The following SLC26A3 variants were observed in gnomAD, a reference collection of about 807,000 sequenced individuals.
The protein encoded by SLC26A3 is chloride anion exchanger.
In SLC26A3, 64 loss-of-function variants were observed where a neutral mutation model predicts 85.6. The ratio of observed to expected loss-of-function variants is 0.75; its 90% confidence interval spans 0.61 to 0.92. SLC26A3 has a LOEUF of 0.92. Ranked by LOEUF, SLC26A3 falls within the 40% of genes least tolerant of loss-of-function variation. SLC26A3 has a pLI of 0.00. For synonymous variants in SLC26A3, 349 were observed against 336.0 expected (o/e 1.04, Z -0.42); for missense variants, 922 against 927.3 (o/e 0.99, Z 0.07).
chr7:107,795,779 G>C (rs1478105436), intron 1 of SLC26A3, among the ~76,000 whole-genome samples: 10 of 151,672 alleles, frequency 6.6e-5, no homozygotes, highest in African/African-American at 2.4e-4. Context: ...CCCAAGTTTT[G>C]TTCCTCAGCT....
rs758202770 is a variant in SLC26A3, at chr7:107,793,856, T to A, written c.157A>T (p.Ile53Phe). 1.2e-6 allele frequency: 2 copies of A among 1,613,870 alleles called. No homozygotes were observed. The highest frequency in any genetic ancestry group is 1.7e-6 in the Non-Finnish European group (2 of 1,179,820). ...CSCSPQKAKRIVLSLFPIASW... is the reference protein window; with the variant it reads ...CSCSPQKAKRFVLSLFPIASW... ...GCTATGGGGAACAAAGAGAGGACAA[T>A]TCTCTTGGCCTTTTGTGGGGAACAG... Residue 53 changes from isoleucine (I) to phenylalanine (F), a missense_variant, in exon 3 of 21, where the codon ATT becomes TTT. Coordinates refer to ENST00000340010, the MANE Select transcript of SLC26A3 (RefSeq NM_000111.3).
intron 3 of SLC26A3, among the ~76,000 whole-genome samples, chr7:107,793,253 T>C (rs535210488): frequency 2.6e-5 from 4 of 152,250 alleles, no homozygotes; most frequent in South Asian, 2.1e-4. Flanking sequence ...CCCAAGAAAA[T>C]TGAAGCATGC....
In SLC26A3 at chr7:107,774,822, C is replaced by A; in HGVS notation, c.1728G>T (p.Arg576Ser). Residue 576 changes from arginine (R) to serine (S), a missense_variant, in exon 16 of 21, where the codon AGG becomes AGT. Transcript: ENST00000340010. ...CTTGCTTCTGCAGTTTTCGGATTTT[C>A]CTCAAAGCTTTGTTGCGCTTGCGTA... is the stretch of plus-strand genomic sequence containing the variant. ...RILRKRNKALRKIRKLQKQGL... is the reference protein window; with the variant it reads ...RILRKRNKALSKIRKLQKQGL... 1 of 1,614,150 alleles carries A rather than the reference C, an allele frequency of 6.2e-7. No homozygotes were observed. The highest frequency in any genetic ancestry group is 1.6e-4 in the Middle Eastern group (1 of 6,062).
chr7:107,802,680 C>T (rs1283921688), intron 1 of SLC26A3, among the ~76,000 whole-genome samples: 5 of 150,248 alleles, frequency 3.3e-5, no homozygotes, highest in African/African-American at 9.8e-5. Flanking sequence ...ACCAGATGGC[C>T]TTTCTGAATC....
At chr7:107,768,236 A>G (rs1018408474) in intron 18 of SLC26A3, among the ~76,000 whole-genome samples, 1 of 152,248 alleles carries the variant, frequency 6.6e-6, no homozygotes, top group Non-Finnish European at 1.5e-5. Flanking sequence ...TGATTAGAGT[A>G]TCAAGTGTGG....
intron 11 of SLC26A3, among the ~76,000 whole-genome samples, 157 bp from the exon 12 acceptor site, chr7:107,779,920 C>G (rs1007570975): frequency 6.6e-6 from 1 of 152,100 alleles, no homozygotes; most frequent in African/African-American, 2.4e-5. Context: ...GCAAGACACA[C>G]CAGAACTGGG....
At chr7:107,791,297 C>T (rs1365483883) in intron 4 of SLC26A3, 62 bp from the exon 5 acceptor site, 1 of 1,510,506 alleles carries the variant, frequency 6.6e-7, no homozygotes, top group Non-Finnish European at 9.2e-7. Flanking sequence ...TGTCTTTCAA[C>T]CACAGAATAA....
chr7:107,789,632 G>A lies in SLC26A3; in HGVS notation c.627C>T (p.Leu209=). Residue 209 remains leucine (L), a synonymous_variant, in exon 6 of 21, where the codon CTC becomes CTT. Coordinates refer to ENST00000340010, the MANE Select transcript of SLC26A3 (RefSeq NM_000111.3). ...GFVVIYLSES[L]ISGFTTAAAV... Reference sequence around the variant, plus strand: ...CAGCAGCAGTAGTGAAGCCACTGATGAGGGACTCAGACAGGTATATCACTA... The same window carrying A: ...CAGCAGCAGTAGTGAAGCCACTGATAAGGGACTCAGACAGGTATATCACTA... The A allele has an allele frequency of 6.2e-7, 1 of 1,614,060 alleles. No individual in the cohort carries two copies. Among genetic ancestry groups the A allele is most frequent in the South Asian group, 1.1e-5 (1 of 91,060 alleles).
chr7:107,793,848 G>T lies in SLC26A3; in HGVS notation c.165C>A (p.Leu55=), dbSNP rs557332354. ...CSPQKAKRIV[L]SLFPIASWLP... ...ACCAAGATGCTATGGGGAACAAAGA[G>T]AGGACAATTCTCTTGGCCTTTTGTG... is the stretch of plus-strand genomic sequence containing the variant. Residue 55 remains leucine (L), a synonymous_variant, in exon 3 of 21, where the codon CTC becomes CTA. Transcript: ENST00000340010. The T allele has an allele frequency of 1.2e-5, 20 of 1,614,082 alleles. No homozygotes were observed. The South Asian group carries it at 1.9e-4, about 15-fold the overall frequency.
chr7:107,793,690 A>C, intron 3 of SLC26A3, 52 bp downstream of exon 3: 1 of 1,391,010 alleles, frequency 7.2e-7, no homozygotes, highest in Non-Finnish European at 1.0e-6. Flanking sequence ...AGCTGTACAC[A>C]TTCAGAGGAA....
chr7:107,792,741 C>G lies in SLC26A3; in HGVS notation c.272-801G>C, dbSNP rs7789763. Among the ~76,000 whole-genome samples the G allele has an allele frequency of 9.6e-3, 1,466 of 152,210 alleles. 20 individuals carry two copies. The highest frequency in any genetic ancestry group is 0.033 in the African/African-American group (1,353 of 41,514). On this transcript the variant is annotated intron_variant, in intron 3 of 20. Coordinates refer to ENST00000340010, the MANE Select transcript of SLC26A3 (RefSeq NM_000111.3). ...GCACCCAATGAAAAATACAGATAGA[C>G]TGGACTTAATCACAATTTAAAAACG...
chr7:107,792,032 TAA>T (rs1794412279), intron 3 of SLC26A3, 92 bp from the exon 4 acceptor site: 2 of 763,520 alleles, frequency 2.6e-6, no homozygotes, highest in East Asian at 5.1e-5. Flanking sequence ...AATTGGATCC[TAA>T]AAATAAGTTA....
intron 18 of SLC26A3, among the ~76,000 whole-genome samples, chr7:107,771,258 C>G (rs953200357): frequency 6.6e-6 from 1 of 152,120 alleles, no homozygotes; most frequent in African/African-American, 2.4e-5. Context: ...GAATCATATA[C>G]GTAGTTCTAA....
At chr7:107,788,774 TTTTTCTTTTC>T in intron 6 of SLC26A3, among the ~76,000 whole-genome samples, 1 of 140,036 alleles carries the variant, frequency 7.1e-6, no homozygotes, top group African/African-American at 2.7e-5. Flanking sequence ...TTCTTTTTCT[TTTTTCTTTTC>T]TTTTTTTTTT....
intron 20 of SLC26A3, among the ~76,000 whole-genome samples, chr7:107,766,821 T>G (rs769647133): frequency 6.6e-5 from 10 of 152,066 alleles, no homozygotes; most frequent in Non-Finnish European, 1.3e-4. Flanking sequence ...TGCAGTCCTG[T>G]TGGGGTCACT....
rs548805893 is a variant in SLC26A3 at position 107,772,347 on chromosome 7, GAAGT to G, written c.2008-243_2008-240del. Reference sequence around the variant, plus strand: ...AAGTTAAAAATGATCATTCTTGAAGGAAGTATTATGGGAAAATGTTCTGTCTCAA... The same window carrying G: ...AAGTTAAAAATGATCATTCTTGAAGGATTATGGGAAAATGTTCTGTCTCAA... On this transcript the variant is annotated intron_variant, in intron 17 of 20. Coordinates refer to ENST00000340010, the MANE Select transcript of SLC26A3 (RefSeq NM_000111.3). Among the ~76,000 whole-genome samples, 480 of 152,244 alleles carry G rather than the reference GAAGT, an allele frequency of 3.2e-3. 4 individuals carry two copies. Among genetic ancestry groups the G allele is most frequent in the Middle Eastern group, 0.01 (3 of 294 alleles).
At chr7:107,801,982 C>T (rs1280700210) in intron 1 of SLC26A3, among the ~76,000 whole-genome samples, 1 of 148,512 alleles carries the variant, frequency 6.7e-6, no homozygotes, top group Non-Finnish European at 1.5e-5. Flanking sequence ...GTATCAGCTA[C>T]TTGGGGGGCT....
intron 13 of SLC26A3, 93 bp downstream of exon 13, chr7:107,778,082 A>G (rs917342067): frequency 1.2e-6 from 1 of 833,044 alleles, no homozygotes; most frequent in African/African-American, 1.7e-5. Flanking sequence ...CCTATCAACC[A>G]ACTACTGTTC....
At chr7:107,777,002 A>G (rs1001781653) in intron 13 of SLC26A3, among the ~76,000 whole-genome samples, 1 of 152,246 alleles carries the variant, frequency 6.6e-6, no homozygotes, top group Non-Finnish European at 1.5e-5. Context: ...GGTAAGGTGG[A>G]TATGATTACC....
Sources: allele counts gnomAD v4.1 joint callset (sites outside exome capture counted in the v4.1 genomes callset), GRCh38; gene constraint gnomAD v4.1.1; transcripts MANE v1.5; gene names NCBI Gene and HGNC (gene_info 2026-07-23, HGNC 2026-07-21).